SYNCRIP: variants seen among roughly 807,000 people sequenced by gnomAD.
SYNCRIP encodes the protein heterogeneous nuclear ribonucleoprotein Q.
In SYNCRIP, 9 loss-of-function variants were observed where a neutral mutation model predicts 68.9. The ratio of observed to expected loss-of-function variants is 0.13; its 90% CI spans 0.08 to 0.23. The LOEUF is 0.23. SYNCRIP is among the 10% of genes least tolerant of loss of function. SYNCRIP has a pLI of 1.00. For synonymous variants in SYNCRIP, 258 were observed against 254.0 expected (o/e 1.02, Z -0.15); for missense variants, 414 against 770.6 (o/e 0.54, Z 5.48).
At chr6:85,635,006 T>C (rs959577659) in intron 6 of SYNCRIP, among the ~76,000 whole-genome samples, 1 of 151,884 alleles carries the variant, frequency 6.6e-6, no homozygotes, top group Non-Finnish European at 1.5e-5. Context: ...CTCTACCAAA[T>C]ATACAAAAAT....
chr6:85,631,849 C>T (rs114849678), intron 6 of SYNCRIP, among the ~76,000 whole-genome samples: 1,701 of 152,300 alleles, frequency 0.011, 31 homozygotes, highest in African/African-American at 0.038. Context: ...CTTTCTACTA[C>T]CTGGCAGAAA....
chr6:85,610,453 C>G (rs1462826322), downstream of SYNCRIP: 1 of 151,910 alleles, frequency 6.6e-6, no homozygotes, highest in Non-Finnish European at 1.5e-5. Context: ...GTTTCCCTCC[C>G]AAGTCCCCAA....
At chr6:85,622,777 T>C in intron 7 of SYNCRIP, 90 bp from the exon 8 acceptor site, 6 of 1,011,150 alleles carry the variant, frequency 5.9e-6, no homozygotes, top group South Asian at 4.3e-5. Flanking sequence ...ACTACTTAAA[T>C]ATCAAAATGA....
At chr6:85,617,188 G>A (rs1805872535) in intron 10 of SYNCRIP, among the ~76,000 whole-genome samples, 1 of 139,156 alleles carries the variant, frequency 7.2e-6, no homozygotes, top group Non-Finnish European at 1.5e-5. Flanking sequence ...TACGTGCTTA[G>A]TTAAAACTTA....
downstream of SYNCRIP, chr6:85,610,138 G>C (rs1805130835): frequency 6.6e-6 from 1 of 151,822 alleles, no homozygotes; most frequent in East Asian, 1.9e-4. Flanking sequence ...CTTTGATACT[G>C]ATTTTACTAC....
intron 10 of SYNCRIP, 151 bp downstream of exon 10, chr6:85,618,667 A>T (rs1278256431): frequency 1.7e-6 from 1 of 581,324 alleles, no homozygotes; most frequent in Non-Finnish European, 2.9e-6. Context: ...AAACACTTAG[A>T]TCACTGGTGT....
At chr6:85,613,590 T>G (rs1805441801), downstream of SYNCRIP, among the ~76,000 whole-genome samples, 3 of 152,210 alleles carry the variant, frequency 2.0e-5, no homozygotes, top group Non-Finnish European at 4.4e-5. Flanking sequence ...AAATCCAAAC[T>G]ATTAGATCTT....
intron 6 of SYNCRIP, among the ~76,000 whole-genome samples, chr6:85,630,085 G>A (rs886508879): frequency 3.9e-5 from 6 of 152,104 alleles, no homozygotes; most frequent in Admixed American, 1.3e-4. Flanking sequence ...TTGTGGGCCG[G>A]GCACTGTGGC....
chr6:85,610,384 C>T (rs1349247301), downstream of SYNCRIP: 1 of 151,930 alleles, frequency 6.6e-6, no homozygotes, highest in Non-Finnish European at 1.5e-5. Flanking sequence ...ATTTCATCAC[C>T]ACTGTTTACA....
At chr6:85,623,531 T>A (rs1465744292) in intron 7 of SYNCRIP, among the ~76,000 whole-genome samples, 1 of 97,900 alleles carries the variant, frequency 1.0e-5, no homozygotes, top group Non-Finnish European at 1.9e-5. Context: ...ACCAGCACAC[T>A]CCAGCCTGGG....
intron 6 of SYNCRIP, among the ~76,000 whole-genome samples, chr6:85,632,642 A>T (rs990635263): frequency 1.7e-4 from 25 of 146,652 alleles, no homozygotes; most frequent in Non-Finnish European, 2.8e-4. Context: ...GCATCCTTTT[A>T]AAAAAAAAGT....
At chr6:85,616,177 C>A (rs907283044) in intron 10 of SYNCRIP, among the ~76,000 whole-genome samples, 1 of 152,162 alleles carries the variant, frequency 6.6e-6, no homozygotes, top group African/African-American at 2.4e-5. Context: ...TTACAATATT[C>A]CAACTCATGT....
chr6:85,642,066 C>A (rs943840305), intron 1 of SYNCRIP, among the ~76,000 whole-genome samples: 1 of 152,232 alleles, frequency 6.6e-6, no homozygotes, highest in Non-Finnish European at 1.5e-5. Flanking sequence ...TCAACGGCAA[C>A]CCAACGAATC....
intron 2 of SYNCRIP, among the ~76,000 whole-genome samples, chr6:85,640,959 T>C (rs978245932): frequency 2.6e-5 from 4 of 152,138 alleles, no homozygotes; most frequent in African/African-American, 4.8e-5. Context: ...AGAAAACAAG[T>C]CTACAGTTAC....
At chr6:85,619,451 C>A in intron 8 of SYNCRIP, 34 bp from the exon 9 acceptor site, 1 of 1,584,544 alleles carries the variant, frequency 6.3e-7, no homozygotes, top group South Asian at 1.2e-5. Flanking sequence ...TGTATTATTT[C>A]CAAAGAGTTC....
rs1809370811 is a variant in SYNCRIP at position 85,642,795 on chromosome 6, A to C, written c.-13+2T>G. 6.6e-6 allele frequency: 1 copy of C among 151,808 alleles called. No individual in the cohort carries two copies. 9.4% of individuals were successfully genotyped at this position (151,808 alleles called of 1,614,324 possible). ...CCACACCCAGGTTCTGGCAGTCGTT[A>C]CCTCCCCGTTGGGCTGAGGCGGAGA... is the stretch of plus-strand genomic sequence containing the variant. On this transcript the variant is annotated splice_donor_variant, in intron 1 of 10. Transcript: ENST00000369622. LOFTEE classifies it low-confidence loss of function (5UTR_SPLICE).
In SYNCRIP at chr6:85,615,491, A is replaced by G. The variant is rs967016479; in HGVS notation, c.1281-144T>C. ...AATACAGAATTATTTGTACTAGATT[A>G]AGTTTTAGTAGTAGTAATGATCAGA... On this transcript the variant is annotated intron_variant, in intron 10 of 10. Coordinates refer to ENST00000369622, the MANE Select transcript of SYNCRIP (RefSeq NM_006372.5). 6 of 527,802 alleles carry G rather than the reference A, an allele frequency of 1.1e-5. No homozygotes were observed. The African/African-American group carries it at 1.2e-4, about 10-fold the overall frequency. 32.7% of individuals were successfully genotyped at this position (527,802 alleles called of 1,614,324 possible). A position where few individuals can be genotyped will look rare whatever the true frequency, so the allele number is the denominator to read the frequency against.
At chr6:85,643,400 T>A (rs1357124173), upstream of SYNCRIP, 1 of 151,742 alleles carries the variant, frequency 6.6e-6, no homozygotes, top group East Asian at 2.0e-4. Context: ...CCTTCCCCGC[T>A]CCTCACCCCT....
Position 85,623,562 on chromosome 6 carries a change from C to CCAAAA in SYNCRIP, c.802+414_802+415insTTTTG, listed in dbSNP as rs572909849. 3.7e-3 allele frequency among the ~76,000 whole-genome samples: 231 copies of CCAAAA among 63,252 alleles called. 20 individuals carry two copies. The highest frequency in any genetic ancestry group is 0.014 in the African/African-American group (207 of 14,716). 41.5% of individuals were successfully genotyped at this position (63,252 alleles called of 152,430 possible). A position where few individuals can be genotyped will look rare whatever the true frequency, so the allele number is the denominator to read the frequency against. On this transcript the variant is annotated intron_variant, in intron 7 of 10. Transcript: ENST00000369622. The stretch of plus-strand genomic sequence containing the variant: ...CTGGGCAACAAAGCAAGACTGTCTC[C>CCAAAA]AAAAAAAAAAAAAAAAAAAAACACT...
Sources: allele counts gnomAD v4.1 joint callset (sites outside exome capture counted in the v4.1 genomes callset), GRCh38; gene constraint gnomAD v4.1.1; transcripts MANE v1.5; gene names NCBI Gene and HGNC (gene_info 2026-07-23, HGNC 2026-07-21).